FGGY: variants seen among roughly 807,000 people sequenced by gnomAD.
The protein encoded by FGGY is FGGY carbohydrate kinase domain containing.
In FGGY, 72 loss-of-function variants were observed where a neutral mutation model predicts 71.3. The ratio of observed to expected loss-of-function variants is 1.01; its 90% CI spans 0.84 to 1.23. The LOEUF is 1.23. FGGY is among the 50% of genes most tolerant of loss of function. The pLI is 0.00. For synonymous variants in FGGY, 251 were observed against 250.3 expected (o/e 1.00, Z -0.02); for missense variants, 668 against 682.3 (o/e 0.98, Z 0.23).
At chr1:59,535,783 A>G (rs979259169) in intron 7 of FGGY, among the ~76,000 whole-genome samples, 5 of 149,346 alleles carry the variant, frequency 3.3e-5, no homozygotes, top group African/African-American at 1.2e-4. Context: ...TTTGAAACCA[A>G]CGAGAACAAA....
At chr1:59,350,868 CTGTT>C (rs2053142759) in intron 4 of FGGY, among the ~76,000 whole-genome samples, 1 of 152,198 alleles carries the variant, frequency 6.6e-6, no homozygotes, top group South Asian at 2.1e-4. Flanking sequence ...TCTCTCGTCA[CTGTT>C]TGTCTTTTAC....
chr1:59,645,633 C>T (rs1369567383), intron 11 of FGGY, among the ~76,000 whole-genome samples: 5 of 152,256 alleles, frequency 3.3e-5, no homozygotes, highest in South Asian at 2.1e-4. Context: ...GAGTCCTTGC[C>T]GTCTGGTATA....
At chr1:59,362,015 G>A (rs757550377) in intron 4 of FGGY, among the ~76,000 whole-genome samples, 3 of 152,256 alleles carry the variant, frequency 2.0e-5, no homozygotes, top group East Asian at 1.9e-4. Context: ...TGTGCAGACC[G>A]CGAACACGGC....
intron 4 of FGGY, among the ~76,000 whole-genome samples, chr1:59,350,930 T>C (rs2053155907): frequency 6.6e-6 from 1 of 152,248 alleles, no homozygotes; most frequent in East Asian, 1.9e-4. Context: ...TAGAGTTTTT[T>C]GTTACATGAG....
chr1:59,387,721 T>C (rs2060239278), intron 5 of FGGY, among the ~76,000 whole-genome samples: 1 of 152,196 alleles, frequency 6.6e-6, no homozygotes, highest in African/African-American at 2.4e-5. Flanking sequence ...TTGTGCTCTT[T>C]AGTGCACACC....
intron 7 of FGGY, among the ~76,000 whole-genome samples, chr1:59,536,256 A>G (rs933274781): frequency 7.9e-5 from 12 of 152,136 alleles, no homozygotes; most frequent in Non-Finnish European, 1.8e-4. Context: ...CTCGACACAT[A>G]CACTTTCCCA....
At chr1:59,520,698 G>A (rs72917704) in intron 7 of FGGY, among the ~76,000 whole-genome samples, 7,735 of 152,074 alleles carry the variant, frequency 0.051, 651 homozygotes, top group African/African-American at 0.18. Context: ...GAAAAATCCA[G>A]AATAAGAATT....
intron 9 of FGGY, among the ~76,000 whole-genome samples, chr1:59,621,209 C>T (rs573609579): frequency 3.9e-5 from 6 of 151,996 alleles, no homozygotes; most frequent in East Asian, 1.9e-4. Flanking sequence ...TAATTACCCC[C>T]GTAAGAGCCA....
At chr1:59,434,807 T>A (rs1271766943) in intron 5 of FGGY, among the ~76,000 whole-genome samples, 1 of 152,050 alleles carries the variant, frequency 6.6e-6, no homozygotes, top group Admixed American at 6.6e-5. Flanking sequence ...CCAAATACCA[T>A]CACCTTGAGG....
intron 6 of FGGY, among the ~76,000 whole-genome samples, chr1:59,484,263 G>C (rs146709539): frequency 2.8e-4 from 43 of 152,228 alleles, no homozygotes; most frequent in African/African-American, 9.4e-4. Flanking sequence ...CATAGGGATG[G>C]TGCTGACTCA....
At chr1:59,324,227 GC>G (rs766158996) in intron 2 of FGGY, among the ~76,000 whole-genome samples, 43 of 148,098 alleles carry the variant, frequency 2.9e-4, no homozygotes, top group Non-Finnish European at 4.8e-4. Context: ...ATACTGAAGA[GC>G]TTTTACCCAT....
intron 14 of FGGY, among the ~76,000 whole-genome samples, chr1:59,721,089 G>T (rs779083905): frequency 1.3e-4 from 19 of 151,984 alleles, no homozygotes; most frequent in Non-Finnish European, 2.2e-4. Flanking sequence ...TCAGAGAGAT[G>T]CCATTCCTAG....
intron 14 of FGGY, among the ~76,000 whole-genome samples, chr1:59,705,044 C>A (rs765587628): frequency 6.6e-6 from 1 of 152,048 alleles, no homozygotes. Flanking sequence ...CTCTTTATAC[C>A]CATCAAGTAC....
chr1:59,576,499 A>G (rs11806220), intron 8 of FGGY, among the ~76,000 whole-genome samples: 10,617 of 152,160 alleles, frequency 0.07, 826 homozygotes, highest in African/African-American at 0.2. Context: ...GCAAACCACC[A>G]TGGCACATGT....
intron 14 of FGGY, among the ~76,000 whole-genome samples, chr1:59,687,047 G>T (rs544608143): frequency 8.5e-5 from 13 of 152,186 alleles, no homozygotes; most frequent in Non-Finnish European, 1.6e-4. Context: ...AAAGGTGGCT[G>T]GGCTGGTCCT....
At chr1:59,592,334 G>T (rs529536671) in intron 8 of FGGY, among the ~76,000 whole-genome samples, 370 of 152,148 alleles carry the variant, frequency 2.4e-3, no homozygotes, top group African/African-American at 8.6e-3. Context: ...TACACTGTTG[G>T]TGGGACTGTA....
chr1:59,573,147 G>A (rs55774716), intron 8 of FGGY, among the ~76,000 whole-genome samples: 2 of 152,194 alleles, frequency 1.3e-5, no homozygotes, highest in African/African-American at 2.4e-5. Flanking sequence ...CAAAGGAGAC[G>A]AAAGAGACAT....
rs1366755648 is a variant in FGGY, at chr1:59,651,345, A to C, written c.1222-8874A>C. Among the ~76,000 whole-genome samples the C allele has an allele frequency of 1.2e-4, 18 of 150,794 alleles. 1 individual carries two copies. Among genetic ancestry groups the C allele is most frequent in the Non-Finnish European group, 3.0e-5 (2 of 67,658 alleles). The stretch of plus-strand genomic sequence containing the variant: ...TCTCGTTGATCTGTCTAATGTTGAC[A>C]GTGGGGTGTTAAAGTCTCCCATTAT... On this transcript the variant is annotated intron_variant, in intron 11 of 15. Transcript: ENST00000303721.
intron 7 of FGGY, among the ~76,000 whole-genome samples, chr1:59,538,353 G>T (rs12092907): frequency 0.031 from 4,715 of 151,614 alleles, 240 homozygotes; most frequent in African/African-American, 0.11. Context: ...AACAGGTGCT[G>T]GAGAGGATGT....
Sources: gnomAD v4.1 joint callset for allele counts (sites outside exome capture counted in the v4.1 genomes callset) on GRCh38, gnomAD v4.1.1 for gene constraint, MANE v1.5 for transcripts, NCBI Gene and HGNC (gene_info 2026-07-23, HGNC 2026-07-21) for gene names.